Variants in BMPR1B observed in about 807,000 individuals in gnomAD.
The protein encoded by BMPR1B is bone morphogenetic protein receptor type 1B, also known as bone morphogenetic protein receptor type-1B.
BMPR1B carries 12 observed loss-of-function variants against 59.1 expected under a neutral mutation model. The observed-to-expected ratio is 0.20, with a 90% CI of 0.13 to 0.33. BMPR1B has a LOEUF of 0.33. Among genes scored for constraint, BMPR1B ranks in the 10% least tolerant of loss-of-function variants. The pLI is 1.00. For missense variants in BMPR1B, 550 were observed against 610.9 expected (o/e 0.90, Z 1.05); for synonymous variants, 237 against 207.3 (o/e 1.14, Z -1.23).
At chr4:94,887,078 A>G (rs1010440413) in intron 2 of BMPR1B, among the ~76,000 whole-genome samples, 3 of 152,068 alleles carry the variant, frequency 2.0e-5, no homozygotes, top group Non-Finnish European at 4.4e-5. Context: ...TTGGCAATGA[A>G]TGGGAAAGGA....
chr4:94,865,114 A>G (rs926965845), intron 1 of BMPR1B, among the ~76,000 whole-genome samples: 3 of 151,476 alleles, frequency 2.0e-5, no homozygotes, highest in Non-Finnish European at 4.4e-5. Flanking sequence ...GGTTCAAGCA[A>G]TTCTCCTGCC....
intron 3 of BMPR1B, among the ~76,000 whole-genome samples, chr4:95,072,455 G>A (rs1728380841): frequency 6.6e-6 from 1 of 152,108 alleles, no homozygotes; most frequent in South Asian, 2.1e-4. Context: ...TTAGCTCTAG[G>A]GATTGAGCAA....
intron 1 of BMPR1B, among the ~76,000 whole-genome samples, chr4:94,866,277 G>A (rs1578738047): frequency 6.6e-6 from 1 of 152,070 alleles, no homozygotes; most frequent in Non-Finnish European, 1.5e-5. Context: ...AGAGGTCATC[G>A]GAGACATGCA....
intron 12 of BMPR1B, 76 bp downstream of exon 12, chr4:95,152,849 T>C (rs1735150903): frequency 2.6e-6 from 4 of 1,550,372 alleles, no homozygotes; most frequent in Admixed American, 1.9e-5. Context: ...ATTCCACATA[T>C]TGATTGTAGG....
chr4:94,955,777 C>T (rs760268630), intron 2 of BMPR1B, among the ~76,000 whole-genome samples: 16 of 151,898 alleles, frequency 1.1e-4, no homozygotes, highest in Admixed American at 2.6e-4. Flanking sequence ...TACAGGTGCA[C>T]GCCCCCACAC....
intron 2 of BMPR1B, among the ~76,000 whole-genome samples, chr4:94,970,171 A>G (rs186971002): frequency 6.6e-6 from 1 of 152,162 alleles, no homozygotes; most frequent in Non-Finnish European, 1.5e-5. Flanking sequence ...AGGATATTCT[A>G]TTGAATATTA....
chr4:95,021,367 A>G (rs969678554), intron 3 of BMPR1B, among the ~76,000 whole-genome samples: 6 of 152,178 alleles, frequency 3.9e-5, no homozygotes, highest in Non-Finnish European at 8.8e-5. Context: ...GAGTAGCTAT[A>G]AGTTAGAGAT....
intron 10 of BMPR1B, among the ~76,000 whole-genome samples, chr4:95,136,754 AT>A (rs1289947458): frequency 6.6e-6 from 1 of 151,956 alleles, no homozygotes; most frequent in Non-Finnish European, 1.5e-5. Context: ...CGGTGGTGAT[AT>A]CCCCTTTATC....
Position 94,958,590 on chromosome 4 carries a change from C to A in BMPR1B, c.-112-37450C>A, listed in dbSNP as rs554780150. Among the ~76,000 whole-genome samples, 7 of 152,230 alleles carry A rather than the reference C, an allele frequency of 4.6e-5. No homozygotes were observed. The South Asian group carries it at 1.5e-3, about 32-fold the overall frequency. Reference sequence around the variant, plus strand: ...CCAGTCATGTTGGGTTAGGGACCACCCTAACAGCCTTGTTTTAACATAATT... The same window carrying A: ...CCAGTCATGTTGGGTTAGGGACCACACTAACAGCCTTGTTTTAACATAATT... On this transcript the variant is annotated intron_variant, in intron 2 of 12. Transcript: ENST00000515059.
chr4:95,006,503 G>A (rs908476013), intron 3 of BMPR1B, among the ~76,000 whole-genome samples: 1 of 150,890 alleles, frequency 6.6e-6, no homozygotes, highest in Non-Finnish European at 1.5e-5. Flanking sequence ...GATTATGTAG[G>A]TTGGAAAGAA....
chr4:95,029,109 T>C (rs544519861), intron 3 of BMPR1B, among the ~76,000 whole-genome samples: 5 of 152,212 alleles, frequency 3.3e-5, no homozygotes, highest in East Asian at 1.9e-4. Flanking sequence ...TTATTATTGT[T>C]ACTATACTTT....
At chr4:94,886,153 T>C (rs1282914065) in intron 2 of BMPR1B, among the ~76,000 whole-genome samples, 1 of 152,136 alleles carries the variant, frequency 6.6e-6, no homozygotes, top group Admixed American at 6.6e-5. Flanking sequence ...AAAAATAATA[T>C]ATCAGCCAAA....
At chr4:95,032,513 A>G (rs1341993988) in intron 3 of BMPR1B, among the ~76,000 whole-genome samples, 1 of 152,100 alleles carries the variant, frequency 6.6e-6, no homozygotes, top group Non-Finnish European at 1.5e-5. Context: ...ATATCTATTA[A>G]ACAACTACTT....
At chr4:94,829,897 A>G (rs1009182319) in intron 1 of BMPR1B, among the ~76,000 whole-genome samples, 1 of 152,224 alleles carries the variant, frequency 6.6e-6, no homozygotes, top group African/African-American at 2.4e-5. Flanking sequence ...TGGGAAGGAT[A>G]AACAGTAGCT....
intron 2 of BMPR1B, among the ~76,000 whole-genome samples, chr4:94,881,654 C>T (rs573223825): frequency 1.1e-4 from 16 of 151,966 alleles, no homozygotes; most frequent in Middle Eastern, 3.4e-3. Flanking sequence ...TTAGTAGAGA[C>T]GGGGTTTCAT....
intron 2 of BMPR1B, among the ~76,000 whole-genome samples, chr4:94,912,332 TA>T (rs566975797): frequency 3.2e-4 from 49 of 152,212 alleles, no homozygotes; most frequent in African/African-American, 1.1e-3. Flanking sequence ...TTTTTACTGA[TA>T]AGAGGGTATG....
At chr4:94,869,457 T>C (rs1271539667) in intron 1 of BMPR1B, among the ~76,000 whole-genome samples, 1 of 152,216 alleles carries the variant, frequency 6.6e-6, no homozygotes, top group Non-Finnish European at 1.5e-5. Flanking sequence ...TAAGTGTATA[T>C]GGCCAGCTCT....
chr4:95,073,362 T>C (rs909788808), intron 3 of BMPR1B, among the ~76,000 whole-genome samples: 9 of 152,200 alleles, frequency 5.9e-5, no homozygotes, highest in South Asian at 2.1e-4. Flanking sequence ...CTGACTGCTA[T>C]GCAACATTTT....
At chr4:94,882,594 A>C (rs987174996) in intron 2 of BMPR1B, among the ~76,000 whole-genome samples, 78 of 152,298 alleles carry the variant, frequency 5.1e-4, no homozygotes, top group African/African-American at 1.6e-3. Context: ...AGATGAAGAA[A>C]ATCAGAATCA....
Sources: allele counts gnomAD v4.1 joint callset (sites outside exome capture counted in the v4.1 genomes callset), GRCh38; gene constraint gnomAD v4.1.1; transcripts MANE v1.5; gene names NCBI Gene and HGNC (gene_info 2026-07-23, HGNC 2026-07-21).